The following LHCGR variants were observed in gnomAD, a reference collection of about 807,000 sequenced individuals.
LHCGR encodes the protein lutropin-choriogonadotropic hormone receptor.
A neutral mutation model predicts 60.7 loss-of-function variants in LHCGR; 55 were observed. The ratio of observed to expected loss-of-function variants is 0.91; its 90% CI spans 0.73 to 1.13. The LOEUF (loss-of-function observed/expected upper bound fraction) is 1.13, where lower values mean the gene tolerates loss of function less well. Among genes scored for constraint, LHCGR ranks in the 50% most tolerant of loss-of-function variants. LHCGR has a pLI of 0.00. For synonymous variants in LHCGR, 337 were observed against 316.5 expected (o/e 1.06, Z -0.69); for missense variants, 862 against 836.0 (o/e 1.03, Z -0.38).
intron 6 of LHCGR, among the ~76,000 whole-genome samples, chr2:48,717,353 C>G (rs866343370): frequency 6.6e-6 from 1 of 152,134 alleles, no homozygotes; most frequent in Middle Eastern, 3.2e-3. Context: ...TGCTTGAATC[C>G]CAGCTCTGCT....
chr2:48,753,940 A>T (rs1051811309), intron 1 of LHCGR, among the ~76,000 whole-genome samples: 2 of 152,204 alleles, frequency 1.3e-5, no homozygotes, highest in Non-Finnish European at 2.9e-5. Flanking sequence ...TGAGCAAGTT[A>T]TTCCTTCTCC....
At position 48,687,967 on chromosome 2, in the gene LHCGR, AAGAACC is replaced by A. The variant is rs2104352652; in HGVS notation, c.1824_1829del (p.Val609_Leu610del). ...TGGCACAAGAATTGATGGGATAAAA[AAGAACC>A]AGTAAAACTTTAGAGTTGGTTACTG... is the stretch of plus-strand genomic sequence containing the variant. On this transcript the variant is annotated inframe_deletion, in exon 11 of 11. Transcript: ENST00000294954. 1.2e-6 allele frequency: 2 copies of A among 1,614,214 alleles called. No individual in the cohort carries two copies. The highest frequency in any genetic ancestry group is 1.7e-6 in the Non-Finnish European group (2 of 1,180,026).
intron 8 of LHCGR, among the ~76,000 whole-genome samples, chr2:48,700,887 A>G (rs183602387): frequency 1.3e-5 from 2 of 152,316 alleles, no homozygotes; most frequent in Admixed American, 1.3e-4. Flanking sequence ...GTTAGGAAGC[A>G]GAAAGATCTA....
intron 1 of LHCGR, among the ~76,000 whole-genome samples, chr2:48,732,609 C>T (rs1013533759): frequency 1.3e-5 from 2 of 152,072 alleles, no homozygotes; most frequent in Admixed American, 1.3e-4. Flanking sequence ...AGAATGACTC[C>T]AGACATCCTT....
chr2:48,749,556 C>T (rs764945698), intron 1 of LHCGR, among the ~76,000 whole-genome samples: 5 of 152,074 alleles, frequency 3.3e-5, no homozygotes, highest in Admixed American at 2.6e-4. Context: ...GCCAAGACAA[C>T]ATTTGGTGTA....
intron 8 of LHCGR, among the ~76,000 whole-genome samples, chr2:48,704,597 T>C (rs1250194537): frequency 1.3e-5 from 2 of 152,226 alleles, no homozygotes; most frequent in Non-Finnish European, 2.9e-5. Flanking sequence ...GAGATTTGAC[T>C]TCTTCCTGGT....
intron 8 of LHCGR, among the ~76,000 whole-genome samples, chr2:48,699,867 A>T (rs1276688275): frequency 2.0e-5 from 3 of 152,234 alleles, no homozygotes; most frequent in African/African-American, 4.8e-5. Flanking sequence ...GTTAGGAGAA[A>T]AGAGTCAATG....
At chr2:48,754,653 C>A (rs182695390) in intron 1 of LHCGR, among the ~76,000 whole-genome samples, 1 of 152,028 alleles carries the variant, frequency 6.6e-6, no homozygotes, top group African/African-American at 2.4e-5. Flanking sequence ...CCCTCCCATC[C>A]GCTTCCCCAG....
chr2:48,735,216 T>A (rs115765330), intron 1 of LHCGR, among the ~76,000 whole-genome samples: 1,698 of 152,332 alleles, frequency 0.011, 39 homozygotes, highest in African/African-American at 0.039. Flanking sequence ...TGTGTTAAAG[T>A]TGAAATCGAA....
At chr2:48,694,593 T>A (rs190487825) in intron 9 of LHCGR, among the ~76,000 whole-genome samples, 1 of 152,304 alleles carries the variant, frequency 6.6e-6, no homozygotes, top group Admixed American at 6.5e-5. Context: ...GATTTTCCAA[T>A]GATTACTAAA....
At chr2:48,703,681 C>G (rs62135383) in intron 8 of LHCGR, among the ~76,000 whole-genome samples, 20,462 of 152,126 alleles carry the variant, frequency 0.13, 1,644 homozygotes, top group South Asian at 0.24. Flanking sequence ...TGATTTGGCT[C>G]TCCGTTAATT....
chr2:48,725,764 G>T lies in LHCGR; in HGVS notation c.309-14C>A, dbSNP rs1472792310. 1 of 1,595,084 alleles carries T rather than the reference G, an allele frequency of 6.3e-7. No homozygotes were observed. The highest frequency in any genetic ancestry group is 1.1e-5 in the South Asian group (1 of 90,706). On this transcript the variant is annotated splice_polypyrimidine_tract_variant and intron_variant, in intron 3 of 10. Transcript: ENST00000294954. ...TTCTGGATCAGTCTGTAAAGAGAGA[G>T]GGAAAAAAAAAGCTGCTGTTTAATA...
At chr2:48,696,758 A>T (rs1481134884) in intron 9 of LHCGR, among the ~76,000 whole-genome samples, 2 of 152,232 alleles carry the variant, frequency 1.3e-5, no homozygotes, top group African/African-American at 4.8e-5. Context: ...TACTTATGAG[A>T]CAATTCCTTG....
chr2:48,717,154 T>G (rs1404224849), intron 6 of LHCGR, among the ~76,000 whole-genome samples: 1 of 152,212 alleles, frequency 6.6e-6, no homozygotes, highest in East Asian at 1.9e-4. Context: ...ATGGAGTAGA[T>G]GAAGAAAAGA....
At chr2:48,735,526 C>T (rs1669174442) in intron 1 of LHCGR, among the ~76,000 whole-genome samples, 1 of 152,170 alleles carries the variant, frequency 6.6e-6, no homozygotes, top group South Asian at 2.1e-4. Flanking sequence ...GTATCTCTAC[C>T]CCTTAGGGAA....
chr2:48,748,220 C>T (rs1238032460), intron 1 of LHCGR, among the ~76,000 whole-genome samples: 1 of 152,174 alleles, frequency 6.6e-6, no homozygotes, highest in Non-Finnish European at 1.5e-5. Flanking sequence ...CTATAAGCTC[C>T]TGGAGGGCAG....
rs569078831 is a variant in LHCGR, at chr2:48,723,423, T to A, written c.536+33A>T. ...TAGTAGTGAGACTAGCAGGAGGCTG[T>A]ATGGCAGAACACAAATCTGGGAGTT... On this transcript the variant is annotated intron_variant, in intron 6 of 10. Coordinates refer to ENST00000294954, the MANE Select transcript of LHCGR (RefSeq NM_000233.4). 3 of 1,456,942 alleles carry A rather than the reference T, an allele frequency of 2.1e-6. No homozygotes were observed. In the South Asian group the frequency reaches 3.4e-5, roughly 17 times the overall value. 90.3% of individuals were successfully genotyped at this position (1,456,942 alleles called of 1,614,324 possible). A position where few individuals can be genotyped will look rare whatever the true frequency, so the allele number is the denominator to read the frequency against.
At chr2:48,737,630 T>C (rs1385598444) in intron 1 of LHCGR, among the ~76,000 whole-genome samples, 1 of 152,256 alleles carries the variant, frequency 6.6e-6, no homozygotes, top group African/African-American at 2.4e-5. Context: ...TCTTCACTTA[T>C]TGGCCTATTG....
At chr2:48,715,419 C>T (rs1451674554) in intron 6 of LHCGR, among the ~76,000 whole-genome samples, 1 of 152,058 alleles carries the variant, frequency 6.6e-6, no homozygotes, top group Non-Finnish European at 1.5e-5. Flanking sequence ...ATGTAAAACC[C>T]ACGTGAGAAA....
Sources: gnomAD v4.1 joint callset for allele counts (sites outside exome capture counted in the v4.1 genomes callset) on GRCh38, gnomAD v4.1.1 for gene constraint, MANE v1.5 for transcripts, NCBI Gene and HGNC (gene_info 2026-07-23, HGNC 2026-07-21) for gene names.